Variants in PTPRN2 observed in about 807,000 individuals in gnomAD.
PTPRN2 encodes protein tyrosine phosphatase receptor type N2.
Under a neutral mutation model 118.8 loss-of-function variants are expected in PTPRN2, and 74 were observed. The ratio of observed to expected loss-of-function variants is 0.62; its 90% CI spans 0.52 to 0.76. PTPRN2 has a LOEUF of 0.76. Among genes scored for constraint, PTPRN2 ranks in the 30% least tolerant of loss-of-function variants. The pLI, the probability that PTPRN2 is intolerant of heterozygous loss-of-function variation, is 0.00. For missense variants in PTPRN2, 1,481 were observed against 1,394.4 expected, an observed-to-expected ratio of 1.06 and a Z score of -0.99; for synonymous variants, 641 against 608.0, an observed-to-expected ratio of 1.05 and a Z score of -0.80.
At chr7:157,927,118 G>C (rs1799047333) in intron 11 of PTPRN2, among the ~76,000 whole-genome samples, 2 of 139,096 alleles carry the variant, frequency 1.4e-5, no homozygotes, top group Middle Eastern at 3.9e-3. Flanking sequence ...TCTGAGAACA[G>C]AGGCCTCGCA....
intron 14 of PTPRN2, among the ~76,000 whole-genome samples, chr7:157,640,740 A>C (rs1045264061): frequency 2.0e-5 from 3 of 152,224 alleles, no homozygotes; most frequent in Admixed American, 2.0e-4. Context: ...AGTCTTCTCA[A>C]GTGCAGGGGC....
Position 157,674,034 on chromosome 7 carries a change from C to A in PTPRN2, c.2001+8691G>T, listed in dbSNP as rs979235088. Among the ~76,000 whole-genome samples the A allele has an allele frequency of 1.3e-5, 2 of 152,176 alleles. No homozygotes were observed. The highest frequency in any genetic ancestry group is 1.3e-4 in the Admixed American group (2 of 15,280). On this transcript the variant is annotated intron_variant, in intron 13 of 22. Coordinates refer to ENST00000389418, the MANE Select transcript of PTPRN2 (RefSeq NM_002847.5). The surrounding 1 kb of genome is among the most constrained non-coding windows in gnomAD (Gnocchi z 4.5). ...TGGGTCAGCTCCAAGTTCAGCTATC[C>A]CGAGGTTCCAAGGCTGTCTGCCCAC...
At chr7:158,135,377 G>A (rs149707968) in intron 8 of PTPRN2, among the ~76,000 whole-genome samples, 238 of 152,242 alleles carry the variant, frequency 1.6e-3, no homozygotes, top group African/African-American at 5.2e-3. Context: ...AGCCGTTGAC[G>A]TTACTAAACA....
In PTPRN2 at chr7:157,801,169, A is replaced by G. The variant is rs182233370; in HGVS notation, c.1788+97504T>C. ...TTTGTGGTGCTTATGTGGTGTCACA[A>G]TGCGTCTTGTGCCTCTCATCTGATT... On this transcript the variant is annotated intron_variant, in intron 12 of 22. Coordinates refer to ENST00000389418, the MANE Select transcript of PTPRN2 (RefSeq NM_002847.5). The surrounding 1 kb of genome is among the most constrained non-coding windows in gnomAD (Gnocchi z 4.2). Among the ~76,000 whole-genome samples the G allele has an allele frequency of 7.8e-4, 118 of 152,078 alleles. No individual in the cohort carries two copies. Among genetic ancestry groups the G allele is most frequent in the South Asian group, 2.3e-3 (11 of 4,806 alleles).
intron 21 of PTPRN2, among the ~76,000 whole-genome samples, chr7:157,568,326 G>A (rs1240048771): frequency 6.6e-6 from 1 of 152,186 alleles, no homozygotes; most frequent in Admixed American, 6.5e-5. Context: ...CACCGTCTCT[G>A]AGAGGAACGC....
chr7:157,950,038 G>A (rs1800712140), intron 11 of PTPRN2, among the ~76,000 whole-genome samples: 1 of 152,182 alleles, frequency 6.6e-6, no homozygotes, highest in Non-Finnish European at 1.5e-5. Context: ...TATTTAGCTT[G>A]TGCATCACCA....
chr7:158,484,901 T>C (rs1820892796), intron 2 of PTPRN2, among the ~76,000 whole-genome samples: 1 of 152,216 alleles, frequency 6.6e-6, no homozygotes, highest in Admixed American at 6.5e-5. Context: ...ACGTGAAGGC[T>C]GTGGCTGTGA....
intron 11 of PTPRN2, among the ~76,000 whole-genome samples, chr7:157,993,756 A>C (rs1804433076): frequency 6.6e-6 from 1 of 152,164 alleles, no homozygotes; most frequent in Non-Finnish European, 1.5e-5. Flanking sequence ...CGGAAGTTCA[A>C]ATCTCTGATT....
chr7:158,104,200 G>A lies in PTPRN2; in HGVS notation c.1643+6629C>T, dbSNP rs115503195. 8.5e-3 allele frequency among the ~76,000 whole-genome samples: 1,292 copies of A among 152,264 alleles called. 13 individuals carry two copies. Among genetic ancestry groups the A allele is most frequent in the African/African-American group, 0.03 (1,236 of 41,556 alleles). On this transcript the variant is annotated intron_variant, in intron 10 of 22. Transcript: ENST00000389418. ...AGGCAATGGAGCATCAGGGCATCCT[G>A]CCTGAGATTTCTTTTCTGTGCTTCC...
intron 3 of PTPRN2, among the ~76,000 whole-genome samples, chr7:158,313,179 G>A (rs762944257): frequency 1.2e-4 from 18 of 152,132 alleles, no homozygotes; most frequent in Non-Finnish European, 2.5e-4. Context: ...TGCCTTCGCA[G>A]CATGCCCACC....
chr7:158,192,212 G>A, intron 5 of PTPRN2, 115 bp downstream of exon 5: 1 of 1,220,020 alleles, frequency 8.2e-7, no homozygotes, highest in Non-Finnish European at 1.1e-6. Flanking sequence ...GATGCCCGCT[G>A]GCCCGGGAAA....
intron 13 of PTPRN2, among the ~76,000 whole-genome samples, chr7:157,657,612 TCA>T (rs1474570927): frequency 4.9e-5 from 2 of 40,666 alleles, no homozygotes; most frequent in African/African-American, 2.0e-4. Flanking sequence ...ACCACACACA[TCA>T]CACATATACA....
At chr7:157,688,496 C>T (rs1463479233) in intron 12 of PTPRN2, among the ~76,000 whole-genome samples, 3 of 152,222 alleles carry the variant, frequency 2.0e-5, no homozygotes, top group Non-Finnish European at 2.9e-5. Flanking sequence ...GTTTTCATGA[C>T]ACCCAAACTC....
chr7:158,149,563 G>A (rs896923286), intron 6 of PTPRN2, among the ~76,000 whole-genome samples: 2 of 152,140 alleles, frequency 1.3e-5, no homozygotes, highest in East Asian at 1.9e-4. Flanking sequence ...CAGCACTTTG[G>A]GGTCCGAGGT....
At chr7:157,715,105 GC>G (rs1798836842) in intron 12 of PTPRN2, among the ~76,000 whole-genome samples, 1 of 152,234 alleles carries the variant, frequency 6.6e-6, no homozygotes. Flanking sequence ...GAATCTGGTG[GC>G]TTCTGTGTCA....
intron 11 of PTPRN2, among the ~76,000 whole-genome samples, chr7:157,972,818 A>G (rs201019598): frequency 3.4e-5 from 3 of 89,366 alleles, no homozygotes; most frequent in Admixed American, 1.3e-4. Context: ...CAGAGACCGC[A>G]GAAACTCCAC....
intron 12 of PTPRN2, among the ~76,000 whole-genome samples, chr7:157,827,629 A>G (rs1807270955): frequency 6.6e-6 from 1 of 152,214 alleles, no homozygotes; most frequent in Non-Finnish European, 1.5e-5. Context: ...GCGTCCACAA[A>G]GGACCCCTCC....
At chr7:157,898,035 G>T (rs1390405145) in intron 12 of PTPRN2, among the ~76,000 whole-genome samples, 1 of 152,272 alleles carries the variant, frequency 6.6e-6, no homozygotes, top group Non-Finnish European at 1.5e-5. Context: ...CGCGGTGCGG[G>T]GAGGCGCCTG....
chr7:158,094,426 C>T (rs1162506066), intron 10 of PTPRN2, among the ~76,000 whole-genome samples: 1 of 152,186 alleles, frequency 6.6e-6, no homozygotes, highest in Non-Finnish European at 1.5e-5. Context: ...TCTCCTGCCT[C>T]AGCCTCCCCA....
Sources: allele counts gnomAD v4.1 joint callset (sites outside exome capture counted in the v4.1 genomes callset), GRCh38; gene constraint gnomAD v4.1.1; non-coding constraint Gnocchi (gnomAD v3.1); transcripts MANE v1.5; gene names NCBI Gene and HGNC (gene_info 2026-07-23, HGNC 2026-07-21).